PXN: variants seen among roughly 807,000 people sequenced by gnomAD.
PXN encodes the protein paxillin, also known as testicular tissue protein Li 134.
Under a neutral mutation model 103.6 loss-of-function variants are expected in PXN, and 61 were observed. The observed-to-expected ratio is 0.59, with a 90% CI of 0.48 to 0.73. PXN has a LOEUF of 0.73. PXN is among the 30% of genes least tolerant of loss of function. The pLI is 0.00. For missense variants in PXN, 1,274 were observed against 1,460.3 expected (o/e 0.87, Z 2.08); for synonymous variants, 562 against 607.8 (o/e 0.92, Z 1.11).
chr12:120,264,898 G>C (rs2136764662), intron 1 of PXN, among the ~76,000 whole-genome samples: 1 of 152,240 alleles, frequency 6.6e-6, no homozygotes, highest in East Asian at 1.9e-4. Context: ...CCACAGAGCG[G>C]GGAGGTCAGT....
chr12:120,232,885 T>G (rs1888332631), intron 1 of PXN, among the ~76,000 whole-genome samples: 1 of 152,168 alleles, frequency 6.6e-6, no homozygotes, highest in Non-Finnish European at 1.5e-5. Flanking sequence ...CACCTTCCCC[T>G]TTTTTCAGGC....
intron 1 of PXN, among the ~76,000 whole-genome samples, chr12:120,238,889 G>A (rs1206570286): frequency 1.3e-5 from 2 of 152,186 alleles, no homozygotes; most frequent in Non-Finnish European, 2.9e-5. Context: ...GGGCACAGCT[G>A]TCCTTGGACG....
Position 120,256,717 on chromosome 12 carries a change from TG to T in PXN, c.13+8899del, listed in dbSNP as rs945312696. ...GCCTGCTTTCAATAGGGTTTTTTTT[TG>T]TTGTTGTTGTTGTTTTTGAGACGGA... On this transcript the variant is annotated intron_variant, in intron 1 of 14. Coordinates refer to ENST00000637617, the MANE Select transcript of PXN (RefSeq NM_001385981.1). 5.3e-5 allele frequency among the ~76,000 whole-genome samples: 8 copies of T among 151,960 alleles called. 1 individual carries two copies. The South Asian group carries it at 6.2e-4, about 12-fold the overall frequency.
chr12:120,254,063 T>C (rs535293195), intron 1 of PXN, among the ~76,000 whole-genome samples: 71 of 152,154 alleles, frequency 4.7e-4, no homozygotes, highest in African/African-American at 1.5e-3. Context: ...ATATTTTTGG[T>C]AGAGAGGGTT....
chr12:120,216,829 T>C lies in PXN; in HGVS notation c.1992+12A>G. On this transcript the variant is annotated intron_variant, in intron 8 of 14. Coordinates refer to ENST00000637617, the MANE Select transcript of PXN (RefSeq NM_001385981.1). This position sits in a 1 kb window ranked among gnomAD's most constrained non-coding sequence, Gnocchi z 5.1. ...TCTGGCCCAGCCCCAGCCATGGGCA[T>C]CTCCTCGCCACCTTCTCTACGAGCT... 2 of 1,545,228 alleles carry C rather than the reference T, an allele frequency of 1.3e-6. No homozygotes were observed. Among genetic ancestry groups the C allele is most frequent in the Non-Finnish European group, 1.7e-6 (2 of 1,157,912 alleles).
chr12:120,224,833 A>G lies in PXN; in HGVS notation c.14-456T>C. On this transcript the variant is annotated intron_variant, in intron 1 of 14. Coordinates refer to ENST00000637617, the MANE Select transcript of PXN (RefSeq NM_001385981.1). This position sits in a 1 kb window ranked among gnomAD's most constrained non-coding sequence, Gnocchi z 5.0. The stretch of plus-strand genomic sequence containing the variant: ...GATTTCTAAGAGCTTAGGCTTTCCC[A>G]GCCCCCGACTGGAAGGGGCACTCAG... The G allele has an allele frequency of 2.3e-6, 1 of 428,798 alleles. No individual in the cohort carries two copies. The highest frequency in any genetic ancestry group is 4.8e-6 in the Non-Finnish European group (1 of 210,138). 26.6% of individuals were successfully genotyped at this position (428,798 alleles called of 1,614,324 possible). A position where few individuals can be genotyped will look rare whatever the true frequency, so the allele number is the denominator to read the frequency against.
intron 1 of PXN, among the ~76,000 whole-genome samples, chr12:120,253,857 C>CTATAT (rs1892587880): frequency 6.6e-6 from 1 of 152,066 alleles, no homozygotes; most frequent in Non-Finnish European, 1.5e-5. Context: ...CTTATATGTA[C>CTATAT]TATATACATA....
At chr12:120,261,684 C>A (rs1471800240) in intron 1 of PXN, among the ~76,000 whole-genome samples, 1 of 152,130 alleles carries the variant, frequency 6.6e-6, no homozygotes, top group Admixed American at 6.6e-5. Flanking sequence ...TCTGGCCTTC[C>A]ATCAGCCTCT....
At position 120,215,437 on chromosome 12, in the gene PXN, A is replaced by G; in HGVS notation, c.2403+123T>C. On this transcript the variant is annotated intron_variant, in intron 10 of 14. Transcript: ENST00000637617. The surrounding 1 kb of genome is among the most constrained non-coding windows in gnomAD (Gnocchi z 4.9). ...GGAGCCCTAAAGTGGGAGTGACGTC[A>G]GCAGGACTCCTGGTGGTCGGAGGGG... The G allele has an allele frequency of 6.9e-7, 1 of 1,457,384 alleles. No homozygotes were observed. The allele number at this position is 1,457,384 out of a possible 1,614,324, so 90.3% of individuals were successfully genotyped here.
At position 120,224,143 on chromosome 12, in the gene PXN, C is replaced by T. The variant is rs368322355; in HGVS notation, c.240+8G>A. ...CCTTGGCCTTCCCAGCCACTGTCCC[C>T]GCCTCACCTGCTGGTGGATGAATCG... On this transcript the variant is annotated splice_region_variant and intron_variant, in intron 2 of 14. Coordinates refer to ENST00000637617, the MANE Select transcript of PXN (RefSeq NM_001385981.1). This position sits in a 1 kb window ranked among gnomAD's most constrained non-coding sequence, Gnocchi z 5.0. The T allele has an allele frequency of 1.3e-5, 20 of 1,550,770 alleles. No homozygotes were observed. Among genetic ancestry groups the T allele is most frequent in the African/African-American group, 5.4e-5 (4 of 73,852 alleles).
chr12:120,216,815 C>T lies in PXN; in HGVS notation c.1992+26G>A. ...CCCAGGTGCTTGGCTCTGGCCCAGC[C>T]CCAGCCATGGGCATCTCCTCGCCAC... On this transcript the variant is annotated intron_variant, in intron 8 of 14. Transcript: ENST00000637617. The surrounding 1 kb of genome is among the most constrained non-coding windows in gnomAD (Gnocchi z 5.1). The T allele has an allele frequency of 6.4e-7, 1 of 1,558,286 alleles. No homozygotes were observed. The highest frequency in any genetic ancestry group is 8.6e-7 in the Non-Finnish European group (1 of 1,164,954).
intron 1 of PXN, among the ~76,000 whole-genome samples, chr12:120,252,705 C>A (rs1892382849): frequency 6.6e-6 from 1 of 152,124 alleles, no homozygotes; most frequent in African/African-American, 2.4e-5. Flanking sequence ...CCAATGTAGG[C>A]AACAGAGAGG....
rs188385852 is a variant in PXN at position 120,236,602 on chromosome 12, G to A, written c.14-12225C>T. On this transcript the variant is annotated intron_variant, in intron 1 of 14. Transcript: ENST00000637617. Reference sequence around the variant, plus strand: ...AAGCAATTCCCTGCCTCAGCCTCCCGAGTAGCTAGGATTACAGGTGCCTGC... The same window carrying A: ...AAGCAATTCCCTGCCTCAGCCTCCCAAGTAGCTAGGATTACAGGTGCCTGC... Among the ~76,000 whole-genome samples the A allele has an allele frequency of 1.7e-4, 25 of 148,778 alleles. No homozygotes were observed. The East Asian group carries it at 2.4e-3, about 14-fold the overall frequency.
intron 1 of PXN, among the ~76,000 whole-genome samples, chr12:120,250,857 C>CCCA (rs10642509): frequency 0.24 from 36,949 of 151,946 alleles, 6,236 homozygotes; most frequent in East Asian, 0.47. Context: ...GCACTAAGTG[C>CCCA]CCACCAAGGC....
chr12:120,220,133 AT>A lies in PXN; in HGVS notation c.832-43del. 1 of 810,792 alleles carries A rather than the reference AT, an allele frequency of 1.2e-6. No homozygotes were observed. Among genetic ancestry groups the A allele is most frequent in the Non-Finnish European group, 1.9e-6 (1 of 530,594 alleles). The allele number at this position is 810,792 out of a possible 1,614,324, so 50.2% of individuals were successfully genotyped here. A position where few individuals can be genotyped will look rare whatever the true frequency, so the allele number is the denominator to read the frequency against. ...TGCAGAGGGGAGAGGAGAGAGAGAG[AT>A]GAGGGGAGTGAGGACGGCTGCACCT... On this transcript the variant is annotated intron_variant, in intron 6 of 14. Coordinates refer to ENST00000637617, the MANE Select transcript of PXN (RefSeq NM_001385981.1). The surrounding 1 kb of genome is among the most constrained non-coding windows in gnomAD (Gnocchi z 6.1).
At chr12:120,251,683 C>T (rs765619450) in intron 1 of PXN, among the ~76,000 whole-genome samples, 1 of 147,362 alleles carries the variant, frequency 6.8e-6, no homozygotes, top group Non-Finnish European at 1.5e-5. Context: ...TGGGCGTGGT[C>T]GTGGGCGCCT....
intron 1 of PXN, among the ~76,000 whole-genome samples, chr12:120,245,101 G>A (rs1167050440): frequency 6.6e-6 from 1 of 152,008 alleles, no homozygotes; most frequent in Non-Finnish European, 1.5e-5. Flanking sequence ...GGGGCATCAC[G>A]TAGCAACAGA....
chr12:120,223,069 G>T, intron 3 of PXN, 70 bp from the exon 4 acceptor site: 1 of 1,610,076 alleles, frequency 6.2e-7, no homozygotes, highest in South Asian at 1.1e-5. Flanking sequence ...GCAGTTCCCA[G>T]ATTCCCAAGG....
In PXN at chr12:120,215,989, T is replaced by G; in HGVS notation, c.2301+284A>C. ...CAGGTTTCTGGTCTCCCTTCTGGAG[T>G]GGCTTCTTTCCTCGATGGGAGCCCG... On this transcript the variant is annotated intron_variant, in intron 9 of 14. Coordinates refer to ENST00000637617, the MANE Select transcript of PXN (RefSeq NM_001385981.1). This position sits in a 1 kb window ranked among gnomAD's most constrained non-coding sequence, Gnocchi z 4.9. The G allele has an allele frequency of 7.3e-7, 1 of 1,362,508 alleles. No homozygotes were observed. Among genetic ancestry groups the G allele is most frequent in the African/African-American group, 1.5e-5 (1 of 67,406 alleles). The allele number at this position is 1,362,508 out of a possible 1,614,324, so 84.4% of individuals were successfully genotyped here. A position where few individuals can be genotyped will look rare whatever the true frequency, so the allele number is the denominator to read the frequency against.
Sources: gnomAD v4.1 joint callset for allele counts (sites outside exome capture counted in the v4.1 genomes callset) on GRCh38, gnomAD v4.1.1 for gene constraint, Gnocchi (gnomAD v3.1) non-coding constraint, MANE v1.5 for transcripts, NCBI Gene and HGNC (gene_info 2026-07-23, HGNC 2026-07-21) for gene names.